Variants in CNGB3 observed in about 807,000 individuals in gnomAD.
The protein encoded by CNGB3 is cyclic nucleotide gated channel subunit beta 3.
In CNGB3, 86 loss-of-function variants were observed where a neutral mutation model predicts 92.8. The ratio of observed to expected loss-of-function variants is 0.93; its 90% confidence interval spans 0.78 to 1.11. The LOEUF is 1.11. Among genes scored for constraint, CNGB3 ranks in the 50% least tolerant of loss-of-function variants. The pLI, the probability that CNGB3 is intolerant of heterozygous loss-of-function variation, is 0.00. For missense variants in CNGB3, 1,026 were observed against 956.8 expected, an observed-to-expected ratio of 1.07 and a Z score of -0.95; for synonymous variants, 333 against 332.7, an observed-to-expected ratio of 1.00 and a Z score of -0.01.
At chr8:86,593,280 T>C (rs1822087280) in intron 15 of CNGB3, among the ~76,000 whole-genome samples, 2 of 152,292 alleles carry the variant, frequency 1.3e-5, no homozygotes, top group South Asian at 4.1e-4. Flanking sequence ...AAAAGGATAA[T>C]GTGGACTCTT....
chr8:86,739,775 A>G (rs1470774404), intron 1 of CNGB3, 39 bp from the exon 2 acceptor site: 1 of 1,605,674 alleles, frequency 6.2e-7, no homozygotes, highest in South Asian at 1.1e-5. Flanking sequence ...TGATGAATTT[A>G]CATAAAAATG....
intron 6 of CNGB3, chr8:86,660,524 T>G: frequency 1.9e-6 from 1 of 533,276 alleles, no homozygotes; most frequent in South Asian, 1.4e-5. Context: ...AGAGGGACGA[T>G]TTTTCTCATG....
At chr8:86,647,677 G>A (rs1454094754) in intron 8 of CNGB3, 124 bp downstream of exon 8, 1 of 653,380 alleles carries the variant, frequency 1.5e-6, no homozygotes, top group Non-Finnish European at 2.8e-6. Flanking sequence ...ATGGAGAAGA[G>A]TTTGGGAAAA....
intron 13 of CNGB3, 44 bp from the exon 14 acceptor site, chr8:86,611,715 C>G: frequency 7.7e-7 from 1 of 1,303,028 alleles, no homozygotes; most frequent in South Asian, 1.2e-5. Flanking sequence ...AACTAAAGGC[C>G]AATATTCCAA....
intron 3 of CNGB3, among the ~76,000 whole-genome samples, chr8:86,721,210 C>T (rs1189309711): frequency 3.3e-5 from 5 of 152,072 alleles, no homozygotes; most frequent in African/African-American, 4.8e-5. Flanking sequence ...AAGTGATCCA[C>T]CCACCTTGGC....
intron 12 of CNGB3, 62 bp from the exon 13 acceptor site, chr8:86,626,142 G>GTAC: frequency 2.3e-6 from 3 of 1,317,122 alleles, no homozygotes; most frequent in Non-Finnish European, 3.3e-6. Flanking sequence ...AGTCACCAAG[G>GTAC]TACAAGTAGA....
chr8:86,594,289 G>A (rs147590049), intron 15 of CNGB3: 7 of 278,014 alleles, frequency 2.5e-5, no homozygotes, highest in Admixed American at 4.4e-5. Flanking sequence ...CCATCTGGAA[G>A]GCTTGGAAGG....
At chr8:86,589,085 G>A (rs1821964121) in intron 15 of CNGB3, among the ~76,000 whole-genome samples, 1 of 151,958 alleles carries the variant, frequency 6.6e-6, no homozygotes, top group African/African-American at 2.4e-5. Context: ...GTGTGTCAAG[G>A]AATTTATCCA....
intron 3 of CNGB3, among the ~76,000 whole-genome samples, chr8:86,714,280 C>T (rs78324180): frequency 0.01 from 1,534 of 152,158 alleles, 18 homozygotes; most frequent in African/African-American, 0.034. Flanking sequence ...GTGTACAGTG[C>T]GTACCCTTTT....
intron 14 of CNGB3, among the ~76,000 whole-genome samples, chr8:86,604,888 T>C (rs1822384193): frequency 6.6e-6 from 1 of 152,224 alleles, no homozygotes; most frequent in South Asian, 2.1e-4. Flanking sequence ...TGTATCAGGC[T>C]GTCAACACTA....
chr8:86,594,555 G>T, intron 15 of CNGB3: 1 of 332,602 alleles, frequency 3.0e-6, no homozygotes, highest in South Asian at 2.7e-5. Flanking sequence ...CGGTAGACCA[G>T]GGAAGGGTCT....
intron 15 of CNGB3, among the ~76,000 whole-genome samples, chr8:86,589,588 C>T (rs1340028560): frequency 1.3e-5 from 2 of 152,014 alleles, no homozygotes; most frequent in South Asian, 2.1e-4. Flanking sequence ...GCCTTCATTT[C>T]GTTATGTACC....
chr8:86,697,405 A>G (rs1824469403), intron 3 of CNGB3, among the ~76,000 whole-genome samples: 1 of 152,226 alleles, frequency 6.6e-6, no homozygotes. Flanking sequence ...ATATCATTAG[A>G]GATCAAGTTA....
intron 2 of CNGB3, among the ~76,000 whole-genome samples, chr8:86,731,660 A>T (rs985582281): frequency 6.6e-6 from 1 of 152,166 alleles, no homozygotes; most frequent in African/African-American, 2.4e-5. Context: ...AGAGACCTGT[A>T]ATCCCTACAT....
At chr8:86,603,122 C>T (rs1466174686) in intron 15 of CNGB3, among the ~76,000 whole-genome samples, 1 of 152,172 alleles carries the variant, frequency 6.6e-6, no homozygotes, top group Admixed American at 6.5e-5. Flanking sequence ...CATTCCTGAC[C>T]ACTGCATCTA....
intron 15 of CNGB3, among the ~76,000 whole-genome samples, chr8:86,597,639 A>C (rs1332363457): frequency 6.6e-6 from 1 of 152,094 alleles, no homozygotes; most frequent in Non-Finnish European, 1.5e-5. Flanking sequence ...GACTGGATAG[A>C]GTGTGGTGCA....
intron 15 of CNGB3, among the ~76,000 whole-genome samples, chr8:86,592,867 T>G (rs1822077206): frequency 6.6e-6 from 1 of 152,186 alleles, no homozygotes; most frequent in East Asian, 1.9e-4. Flanking sequence ...TTCTGAGATA[T>G]CCTTTCATCT....
chr8:86,739,259 G>GTGTT (rs767296024), intron 2 of CNGB3, among the ~76,000 whole-genome samples: 5 of 152,296 alleles, frequency 3.3e-5, no homozygotes, highest in Middle Eastern at 6.8e-3. Context: ...ACCTTTAAAT[G>GTGTT]TGTTCAATCC....
rs1292595791 is a variant in CNGB3 at position 86,635,889 on chromosome 8, C to CTTCAAG, written c.1179-2997_1179-2996insCTTGAA. Among the ~76,000 whole-genome samples, 76 of 127,238 alleles carry CTTCAAG rather than the reference C, an allele frequency of 6.0e-4. No individual in the cohort carries two copies. In the South Asian group the frequency reaches 8.7e-3, roughly 15 times the overall value. The allele number at this position is 127,238 out of a possible 152,430, so 83.5% of individuals were successfully genotyped here. Reference sequence around the variant, plus strand: ...ACACATACACATATACTTAGGCATACTTAAAGCAGTAAGGCAGGATTTGAC... The same window carrying CTTCAAG: ...ACACATACACATATACTTAGGCATACTTCAAGTTAAAGCAGTAAGGCAGGATTTGAC... On this transcript the variant is annotated intron_variant, in intron 10 of 17. Coordinates refer to ENST00000320005, the MANE Select transcript of CNGB3 (RefSeq NM_019098.5).
Sources: gnomAD v4.1 joint callset for allele counts (sites outside exome capture counted in the v4.1 genomes callset) on GRCh38, gnomAD v4.1.1 for gene constraint, MANE v1.5 for transcripts, NCBI Gene and HGNC (gene_info 2026-07-23, HGNC 2026-07-21) for gene names.